Variants in MPDZ observed in about 807,000 individuals in gnomAD.
MPDZ encodes the protein multiple PDZ domain crumbs cell polarity complex component, also known as multiple PDZ domain protein.
Under a neutral mutation model 239.1 loss-of-function variants are expected in MPDZ, and 234 were observed. The ratio of observed to expected loss-of-function variants is 0.98; its 90% confidence interval spans 0.88 to 1.09. The LOEUF (loss-of-function observed/expected upper bound fraction) is 1.09. MPDZ is among the 50% of genes least tolerant of loss of function. The pLI, the probability that MPDZ is intolerant of heterozygous loss-of-function variation, is 0.00. For missense variants in MPDZ, 3,175 were observed against 2,510.0 expected, an observed-to-expected ratio of 1.26 and a Z score of -5.66; for synonymous variants, 1,048 against 881.3, an observed-to-expected ratio of 1.19 and a Z score of -3.35.
At chr9:13,236,227 A>C (rs61047009) in intron 3 of MPDZ, among the ~76,000 whole-genome samples, 2 of 25,226 alleles carry the variant, frequency 7.9e-5, no homozygotes, top group East Asian at 3.1e-3. Context: ...GTGTGTGTGT[A>C]TATGTATATG....
At chr9:13,162,290 G>A (rs946562248) in intron 23 of MPDZ, among the ~76,000 whole-genome samples, 7 of 151,046 alleles carry the variant, frequency 4.6e-5, no homozygotes, top group Non-Finnish European at 7.4e-5. Context: ...AAAAAATTCT[G>A]AATTTGTATG....
chr9:13,237,356 G>A (rs1191708238), intron 3 of MPDZ, among the ~76,000 whole-genome samples: 2 of 150,374 alleles, frequency 1.3e-5, no homozygotes, highest in Admixed American at 6.6e-5. Flanking sequence ...AGGGTCACGG[G>A]AGCCCAAGAG....
At chr9:13,222,803 C>G (rs1024448750) in intron 5 of MPDZ, among the ~76,000 whole-genome samples, 1 of 151,708 alleles carries the variant, frequency 6.6e-6, no homozygotes, top group Non-Finnish European at 1.5e-5. Context: ...TAGATTAGAT[C>G]CCCAACTGGG....
Position 13,158,002 on chromosome 9 carries a change from C to T in MPDZ, c.3452+16G>A, listed in dbSNP as rs1199984271. 14 of 1,607,410 alleles carry T rather than the reference C, an allele frequency of 8.7e-6. No individual in the cohort carries two copies. In the East Asian group the frequency reaches 2.0e-4, roughly 23 times the overall value. ...ATATATCCATTGGGTGGACAGAAGA[C>T]AGAAATAGTCCTTACCGCCTGGGCT... On this transcript the variant is annotated intron_variant, in intron 24 of 46. Coordinates refer to ENST00000319217, the MANE Select transcript of MPDZ (RefSeq NM_001378778.1).
chr9:13,178,162 G>C (rs1391196003), intron 19 of MPDZ, among the ~76,000 whole-genome samples: 1 of 151,874 alleles, frequency 6.6e-6, no homozygotes, highest in Non-Finnish European at 1.5e-5. Flanking sequence ...AGGAGGCTGA[G>C]GCAGGAGAAT....
intron 28 of MPDZ, among the ~76,000 whole-genome samples, chr9:13,139,018 G>C (rs893454550): frequency 8.5e-5 from 13 of 152,192 alleles, no homozygotes; most frequent in African/African-American, 3.1e-4. Context: ...ATTACATTCT[G>C]ACCACATTGA....
chr9:13,118,011 A>G lies in MPDZ; in HGVS notation c.5379+1491T>C, dbSNP rs181390632. ...AGGCATGCGCTACCACACCTGGCTA[A>G]TTTTGTATTTTTAGTAGAGACGGGG... On this transcript the variant is annotated intron_variant, in intron 39 of 46. Transcript: ENST00000319217. Among the ~76,000 whole-genome samples, 18 of 151,566 alleles carry G rather than the reference A, an allele frequency of 1.2e-4. No homozygotes were observed. The East Asian group carries it at 2.9e-3, about 25-fold the overall frequency.
At chr9:13,236,245 GTGTGTA>G (rs1315888959) in intron 3 of MPDZ, among the ~76,000 whole-genome samples, 248 of 13,452 alleles carry the variant, frequency 0.018, 20 homozygotes, top group Middle Eastern at 0.056. Flanking sequence ...ATGTGTGTGT[GTGTGTA>G]TATATATATA....
intron 1 of MPDZ, among the ~76,000 whole-genome samples, chr9:13,251,923 G>A (rs942336381): frequency 1.3e-5 from 2 of 152,188 alleles, no homozygotes; most frequent in African/African-American, 4.8e-5. Context: ...TTAAACAGAA[G>A]TGTGGCCTTG....
chr9:13,123,556 T>C (rs1026226798), intron 35 of MPDZ, among the ~76,000 whole-genome samples: 1 of 152,172 alleles, frequency 6.6e-6, no homozygotes, highest in Non-Finnish European at 1.5e-5. Flanking sequence ...CTATCCTACA[T>C]GTTTTAAATT....
chr9:13,120,791 C>G (rs948696091), intron 38 of MPDZ: 1 of 152,114 alleles, frequency 6.6e-6, no homozygotes, highest in Non-Finnish European at 1.5e-5. Context: ...TAAAGATCAC[C>G]ATTTCACAGA....
At chr9:13,277,659 G>A (rs1974545395) in intron 1 of MPDZ, among the ~76,000 whole-genome samples, 1 of 152,140 alleles carries the variant, frequency 6.6e-6, no homozygotes, top group South Asian at 2.1e-4. Context: ...CTGCCTCCCG[G>A]GTTCAAGCGA....
chr9:13,230,047 T>C (rs1406823422), intron 3 of MPDZ, among the ~76,000 whole-genome samples: 1 of 151,954 alleles, frequency 6.6e-6, no homozygotes, highest in Non-Finnish European at 1.5e-5. Flanking sequence ...AGACATTTCA[T>C]GAAAGAGGAT....
Position 13,109,986 on chromosome 9 carries a change from G to C in MPDZ, c.5908C>G (p.Leu1970Val). 1.9e-6 allele frequency: 3 copies of C among 1,613,230 alleles called. No individual in the cohort carries two copies. The East Asian group carries it at 6.7e-5, about 36-fold the overall frequency. Reference sequence around the variant, plus strand: ...TCCTGAAATATACTGCTTGACGTCAGCCCAGTGAAAGAAAGACTGGAACTT... The same window carrying C: ...TCCTGAAATATACTGCTTGACGTCACCCCAGTGAAAGAAAGACTGGAACTT... The part of the protein sequence containing the change: ...PASSSLSFTG[L>V]TSSSIFQDDL... Residue 1970 changes from leucine (L) to valine (V), a missense_variant, in exon 45 of 47, where the codon CTG (leucine) becomes GTG (valine). By Grantham distance (32) the Leu-to-Val change is conservative. Coordinates refer to ENST00000319217, the MANE Select transcript of MPDZ (RefSeq NM_001378778.1).
chr9:13,279,006 A>C (rs1330269231), intron 1 of MPDZ: 1 of 151,544 alleles, frequency 6.6e-6, no homozygotes, highest in Non-Finnish European at 1.5e-5. Context: ...CCTCTGGGTC[A>C]AGGAAAAGGA....
intron 28 of MPDZ, among the ~76,000 whole-genome samples, chr9:13,139,130 C>T (rs747597762): frequency 6.6e-5 from 10 of 152,170 alleles, no homozygotes; most frequent in Non-Finnish European, 1.5e-4. Flanking sequence ...TGGGCCAATG[C>T]CATGCATTCT....
chr9:13,246,557 T>C (rs898996663), intron 3 of MPDZ, among the ~76,000 whole-genome samples: 6 of 151,458 alleles, frequency 4.0e-5, no homozygotes, highest in African/African-American at 7.4e-5. Context: ...AACCATTAAA[T>C]AGACATTTAC....
intron 19 of MPDZ, among the ~76,000 whole-genome samples, chr9:13,182,129 G>C (rs761149474): frequency 2.6e-4 from 39 of 152,104 alleles, no homozygotes; most frequent in Non-Finnish European, 5.1e-4. Context: ...AACAGTGCTA[G>C]ACCTACGGAA....
chr9:13,268,815 A>G (rs913316858), intron 1 of MPDZ, among the ~76,000 whole-genome samples: 1 of 152,220 alleles, frequency 6.6e-6, no homozygotes, highest in African/African-American at 2.4e-5. Context: ...CTAGGAAGGT[A>G]ATGTTTCCAT....
Sources: allele counts gnomAD v4.1 joint callset (sites outside exome capture counted in the v4.1 genomes callset), GRCh38; gene constraint gnomAD v4.1.1; transcripts MANE v1.5; gene names NCBI Gene and HGNC (gene_info 2026-07-23, HGNC 2026-07-21).